The following GLIS3 variants were observed in gnomAD, a reference collection of about 807,000 sequenced individuals.
GLIS3 encodes zinc finger protein GLIS3.
In GLIS3, 53 loss-of-function variants were observed where a neutral mutation model predicts 78.6. The ratio of observed to expected loss-of-function variants is 0.67; its 90% CI spans 0.54 to 0.85. The LOEUF (loss-of-function observed/expected upper bound fraction) is 0.85. Ranked by LOEUF, GLIS3 falls within the 40% of genes least tolerant of loss-of-function variation. GLIS3 has a pLI of 0.00. For missense variants in GLIS3, 1,703 were observed against 1,231.1 expected (o/e 1.38, Z -5.74); for synonymous variants, 684 against 509.9 (o/e 1.34, Z -4.60).
the GLIS3 span, among the ~76,000 whole-genome samples, chr9:4,399,191 G>A: frequency 1.3e-5 from 2 of 152,180 alleles, no homozygotes; most frequent in East Asian, 3.8e-4. Context: ...AATGATAAAT[G>A]TTTGGGATGA....
intron 2 of GLIS3, among the ~76,000 whole-genome samples, chr9:4,142,751 T>A (rs997813855): frequency 6.6e-6 from 1 of 152,210 alleles, no homozygotes; most frequent in African/African-American, 2.4e-5. Context: ...TAAGGAAGAC[T>A]GTTAGACATT....
chr9:4,053,705 T>TAAAAAAAA lies in GLIS3; in HGVS notation c.1710+64055_1710+64062dup, dbSNP rs760535978. ...AGTGCCTACTTGTTTTCTTTCTTCATAAAAAAAAAAAAAAAAAATTCTGGA... is the reference window on the plus strand; with the variant it reads ...AGTGCCTACTTGTTTTCTTTCTTCATAAAAAAAAAAAAAAAAAAAAAAAAAATTCTGGA... On this transcript the variant is annotated intron_variant, in intron 4 of 10. Transcript: ENST00000381971. Among the ~76,000 whole-genome samples, 11 of 91,144 alleles carry TAAAAAAAA rather than the reference T, an allele frequency of 1.2e-4. 1 individual carries two copies. The highest frequency in any genetic ancestry group is 1.6e-4 in the Non-Finnish European group (7 of 43,814). 59.8% of individuals were successfully genotyped at this position (91,144 alleles called of 152,430 possible). A position where few individuals can be genotyped will look rare whatever the true frequency, so the allele number is the denominator to read the frequency against.
intron 5 of GLIS3, among the ~76,000 whole-genome samples, chr9:3,933,170 G>A (rs1043224143): frequency 2.0e-5 from 3 of 151,200 alleles, no homozygotes; most frequent in East Asian, 3.9e-4. Flanking sequence ...GCTTAAGGCT[G>A]AGTCTAGCCT....
chr9:3,890,314 G>C (rs1822345510), intron 7 of GLIS3, among the ~76,000 whole-genome samples: 2 of 152,124 alleles, frequency 1.3e-5, no homozygotes, highest in Admixed American at 1.3e-4. Context: ...ATGGGCCTTA[G>C]AATACAGAAG....
intron 1 of GLIS3, among the ~76,000 whole-genome samples, chr9:4,297,074 GAGA>G (rs960534270): frequency 2.0e-5 from 3 of 151,262 alleles, no homozygotes; most frequent in African/African-American, 4.9e-5. Context: ...GGAGATAAAA[GAGA>G]AGAAGTAGGA....
intron 4 of GLIS3, among the ~76,000 whole-genome samples, chr9:4,100,956 T>C (rs1275165730): frequency 1.3e-5 from 2 of 152,146 alleles, no homozygotes; most frequent in East Asian, 1.9e-4. Flanking sequence ...TGTAATATAA[T>C]AGCCAGCCCT....
intron 4 of GLIS3, among the ~76,000 whole-genome samples, chr9:4,079,167 C>CTT (rs1347021384): frequency 6.6e-6 from 1 of 152,218 alleles, no homozygotes; most frequent in Non-Finnish European, 1.5e-5. Context: ...GGTCCCATTG[C>CTT]TTTTGGAGTA....
chr9:4,207,010 G>C (rs1819940142), intron 2 of GLIS3, among the ~76,000 whole-genome samples: 1 of 152,206 alleles, frequency 6.6e-6, no homozygotes, highest in Non-Finnish European at 1.5e-5. Context: ...AGAGGGGATG[G>C]AAGCCAACAA....
At chr9:4,057,349 C>A (rs1012078336) in intron 4 of GLIS3, among the ~76,000 whole-genome samples, 1 of 152,232 alleles carries the variant, frequency 6.6e-6, no homozygotes. Flanking sequence ...ACTCGTTCTC[C>A]TTTATTTAGG....
rs1383314094 is a variant in GLIS3, at chr9:3,827,285, A to G, written c.*987T>C. 1.3e-5 allele frequency: 2 copies of G among 152,252 alleles called. No individual in the cohort carries two copies. Among genetic ancestry groups the G allele is most frequent in the African/African-American group, 4.8e-5 (2 of 41,456 alleles). 9.4% of individuals were successfully genotyped at this position (152,252 alleles called of 1,614,324 possible). ...TTGGTTTTCCAAGGGAAGCTGGCAC[A>G]TGACTCAGTCTGTCCCAGTTCTCAC... On this transcript the variant is annotated 3_prime_UTR_variant, in exon 11 of 11. Coordinates refer to ENST00000381971, the MANE Select transcript of GLIS3 (RefSeq NM_001042413.2).
At chr9:4,460,615 C>G in the GLIS3 span, among the ~76,000 whole-genome samples, 1 of 141,048 alleles carries the variant, frequency 7.1e-6, no homozygotes, top group African/African-American at 2.6e-5. Flanking sequence ...GTTGACATCT[C>G]ACTAAACAGA....
chr9:3,926,254 G>A (rs1370247680), intron 6 of GLIS3, among the ~76,000 whole-genome samples: 4 of 122,402 alleles, frequency 3.3e-5, no homozygotes, highest in Admixed American at 8.8e-5. Flanking sequence ...TTTCTTTGAC[G>A]GAGTCTTGCT....
chr9:3,889,220 G>A (rs1822267828), intron 7 of GLIS3, among the ~76,000 whole-genome samples: 1 of 152,190 alleles, frequency 6.6e-6, no homozygotes, highest in African/African-American at 2.4e-5. Flanking sequence ...CTTCCTAAGT[G>A]AGAGCCACGT....
chr9:4,054,357 A>C, intron 4 of GLIS3: 2 of 985,434 alleles, frequency 2.0e-6, no homozygotes, highest in Non-Finnish European at 2.4e-6. Flanking sequence ...AGCTCTCAAA[A>C]GGCACAGAGC....
At chr9:3,938,311 G>C (rs111984816) in intron 4 of GLIS3, among the ~76,000 whole-genome samples, 1 of 152,192 alleles carries the variant, frequency 6.6e-6, no homozygotes, top group African/African-American at 2.4e-5. Flanking sequence ...GAGGAATGCA[G>C]GGGGGTGAGG....
chr9:4,279,925 G>C (rs1450819268), intron 2 of GLIS3, among the ~76,000 whole-genome samples: 1 of 151,442 alleles, frequency 6.6e-6, no homozygotes, highest in Non-Finnish European at 1.5e-5. Flanking sequence ...AGGACAATTA[G>C]ATAATATCAT....
At chr9:4,060,238 A>G (rs1826531380) in intron 4 of GLIS3, among the ~76,000 whole-genome samples, 1 of 152,180 alleles carries the variant, frequency 6.6e-6, no homozygotes, top group Non-Finnish European at 1.5e-5. Flanking sequence ...CTAACTGCCT[A>G]TTTAATGGAC....
chr9:4,340,960 A>C (rs1817825777), intron 2 of GLIS3, among the ~76,000 whole-genome samples: 1 of 152,184 alleles, frequency 6.6e-6, no homozygotes, highest in Admixed American at 6.5e-5. Context: ...TATAGGTGTG[A>C]GCCACCGTGC....
chr9:4,362,087 G>A, the GLIS3 span, among the ~76,000 whole-genome samples: 1 of 152,172 alleles, frequency 6.6e-6, no homozygotes, highest in Non-Finnish European at 1.5e-5. Flanking sequence ...TCACTAAAGG[G>A]TGCTCACCAG....
Sources: allele counts gnomAD v4.1 joint callset (sites outside exome capture counted in the v4.1 genomes callset), GRCh38; gene constraint gnomAD v4.1.1; transcripts MANE v1.5; gene names NCBI Gene and HGNC (gene_info 2026-07-23, HGNC 2026-07-21).